Variants in COG5 observed in about 807,000 individuals in gnomAD.
COG5 encodes conserved oligomeric Golgi complex subunit 5.
A neutral mutation model predicts 110.4 loss-of-function variants in COG5; 86 were observed. That is an observed-to-expected ratio of 0.78 (90% CI 0.65 to 0.93). COG5 has a LOEUF of 0.93. Ranked by LOEUF, COG5 falls within the 40% of genes least tolerant of loss-of-function variation. The pLI, the probability that COG5 is intolerant of heterozygous loss-of-function variation, is 0.00. For synonymous variants in COG5, 360 were observed against 334.6 expected (o/e 1.08, Z -0.83); for missense variants, 1,077 against 987.0 (o/e 1.09, Z -1.22).
intron 6 of COG5, among the ~76,000 whole-genome samples, chr7:107,429,981 G>T (rs551498582): frequency 2.0e-5 from 3 of 152,190 alleles, no homozygotes; most frequent in East Asian, 3.9e-4. Context: ...AGTTGTAAGG[G>T]TCCTTTATAT....
intron 6 of COG5, chr7:107,470,146 G>A (rs1796547896): frequency 6.6e-6 from 1 of 152,130 alleles, no homozygotes; most frequent in African/African-American, 2.4e-5. Flanking sequence ...GTTGTCTCTG[G>A]AGACAAGAAG....
intron 6 of COG5, among the ~76,000 whole-genome samples, chr7:107,415,788 G>A (rs900551332): frequency 2.4e-5 from 3 of 126,046 alleles, no homozygotes; most frequent in Non-Finnish European, 5.2e-5. Flanking sequence ...ACACATACAC[G>A]TATGTATGTA....
In COG5 at chr7:107,380,991, C is replaced by T. The variant is rs1387977872; in HGVS notation, c.670-8231G>A. ...CAAGTTGGCTTCCACATACGTAAAT[C>T]AATAAATGTAATCCATCACATAAAT... On this transcript the variant is annotated intron_variant, in intron 7 of 21. Transcript: ENST00000297135. 4.6e-5 allele frequency among the ~76,000 whole-genome samples: 7 copies of T among 152,008 alleles called. No homozygotes were observed. In the East Asian group the frequency reaches 1.2e-3, roughly 25 times the overall value.
chr7:107,293,931 G>A (rs748592422), intron 12 of COG5, among the ~76,000 whole-genome samples: 5 of 152,064 alleles, frequency 3.3e-5, no homozygotes, highest in African/African-American at 7.2e-5. Context: ...AATTATCTGG[G>A]CATGGTGGTG....
At chr7:107,269,147 A>T (rs748800774) in intron 14 of COG5, among the ~76,000 whole-genome samples, 1 of 151,980 alleles carries the variant, frequency 6.6e-6, no homozygotes. Context: ...TTCTATTTCT[A>T]TTCTTTCAGT....
rs375024073 is a variant in COG5 at position 107,236,396 on chromosome 7, T to C, written c.2091+54A>G. 5.1e-4 allele frequency: 623 copies of C among 1,227,180 alleles called. 5 individuals are homozygous for C. The South Asian group carries it at 6.2e-3, about 12-fold the overall frequency. 76.0% of individuals were successfully genotyped at this position (1,227,180 alleles called of 1,614,324 possible). A position where few individuals can be genotyped will look rare whatever the true frequency, so the allele number is the denominator to read the frequency against. On this transcript the variant is annotated intron_variant, in intron 18 of 21. Coordinates refer to ENST00000297135, the MANE Select transcript of COG5 (RefSeq NM_006348.5). ...GATGAAAACACATTCTTTCATTTAA[T>C]AGATGATATTGAGGCCAAAACATTT...
intron 18 of COG5, among the ~76,000 whole-genome samples, chr7:107,235,451 T>C (rs1216616574): frequency 6.6e-6 from 1 of 152,230 alleles, no homozygotes; most frequent in Non-Finnish European, 1.5e-5. Flanking sequence ...ACGCCTGTAA[T>C]CCCAACACTT....
chr7:107,541,152 A>G (rs990910454), intron 5 of COG5, among the ~76,000 whole-genome samples: 4 of 142,878 alleles, frequency 2.8e-5, no homozygotes, highest in African/African-American at 5.1e-5. Flanking sequence ...CTCTGTCTTG[A>G]AAAAAAAAAA....
chr7:107,347,592 C>T (rs558433710), intron 10 of COG5, among the ~76,000 whole-genome samples: 6 of 152,004 alleles, frequency 3.9e-5, no homozygotes, highest in Non-Finnish European at 8.8e-5. Flanking sequence ...AGTGAATGTT[C>T]CCAACACAAA....
intron 14 of COG5, among the ~76,000 whole-genome samples, chr7:107,277,818 T>C (rs1457739293): frequency 6.6e-6 from 1 of 152,196 alleles, no homozygotes; most frequent in Non-Finnish European, 1.5e-5. Flanking sequence ...GAGATTTAGG[T>C]TTGTATAACA....
intron 6 of COG5, among the ~76,000 whole-genome samples, chr7:107,509,339 T>C (rs569795739): frequency 6.6e-6 from 1 of 151,680 alleles, no homozygotes; most frequent in Admixed American, 6.6e-5. Context: ...AGAAGGGAAG[T>C]TTAGAGAAAA....
At chr7:107,276,475 G>A (rs539017433) in intron 14 of COG5, among the ~76,000 whole-genome samples, 2 of 152,128 alleles carry the variant, frequency 1.3e-5, no homozygotes, top group Admixed American at 6.5e-5. Flanking sequence ...TTCGAGACCA[G>A]CCTGAGTAAT....
At chr7:107,363,955 CAA>C (rs34287367) in intron 8 of COG5, among the ~76,000 whole-genome samples, 20 of 108,984 alleles carry the variant, frequency 1.8e-4, no homozygotes, top group African/African-American at 2.2e-4. Context: ...AACTCCATCT[CAA>C]AAAAAAAAAA....
At chr7:107,410,592 G>A (rs916788617) in intron 7 of COG5, among the ~76,000 whole-genome samples, 3 of 151,964 alleles carry the variant, frequency 2.0e-5, no homozygotes, top group Non-Finnish European at 2.9e-5. Context: ...ACAGGAGTGC[G>A]CCACAATGCC....
chr7:107,416,543 T>C (rs905399930), intron 6 of COG5, among the ~76,000 whole-genome samples: 11 of 152,312 alleles, frequency 7.2e-5, no homozygotes, highest in African/African-American at 2.4e-4. Flanking sequence ...TTAAATTTAG[T>C]GGGCAGTATT....
rs1173572786 is a variant in COG5 at position 107,210,559 on chromosome 7, T to G, written c.2342A>C (p.His781Pro). 2 of 1,604,312 alleles carry G rather than the reference T, an allele frequency of 1.2e-6. No individual in the cohort carries two copies. Among genetic ancestry groups the G allele is most frequent in the Non-Finnish European group, 8.5e-7 (1 of 1,175,640 alleles). The change falls in exon 21 of 22, where the codon CAT becomes CCT. Residue 781 changes from histidine (H) to proline (P), a missense_variant. Physicochemically the swap from His to Pro is moderately conservative, Grantham distance 77. Coordinates refer to ENST00000297135, the MANE Select transcript of COG5 (RefSeq NM_006348.5). The stretch of plus-strand genomic sequence containing the variant: ...GAGGAGCCTGTCCTTTTCAGATGGA[T>G]GGTCATCCAGCCACTGAGAGAAGCG... ...HTRFSQWLDD[H>P]PSEKDRLLLI...
At chr7:107,544,012 G>T (rs957230676) in intron 5 of COG5, among the ~76,000 whole-genome samples, 1 of 152,080 alleles carries the variant, frequency 6.6e-6, no homozygotes, top group African/African-American at 2.4e-5. Context: ...CAGCCTCCAG[G>T]CCAGCACTCA....
intron 12 of COG5, among the ~76,000 whole-genome samples, chr7:107,296,867 T>C (rs906027274): frequency 1.3e-5 from 2 of 152,206 alleles, no homozygotes; most frequent in African/African-American, 4.8e-5. Context: ...TCTTACAAGA[T>C]AGGTGATAAG....
chr7:107,487,158 T>C (rs1318748379), intron 6 of COG5, among the ~76,000 whole-genome samples: 2 of 152,124 alleles, frequency 1.3e-5, no homozygotes, highest in Non-Finnish European at 2.9e-5. Context: ...TTACAACCTA[T>C]GTAGTAAAGC....
Sources: gnomAD v4.1 joint callset for allele counts (sites outside exome capture counted in the v4.1 genomes callset) on GRCh38, gnomAD v4.1.1 for gene constraint, MANE v1.5 for transcripts, NCBI Gene and HGNC (gene_info 2026-07-23, HGNC 2026-07-21) for gene names.